KYNU: variants seen among roughly 807,000 people sequenced by gnomAD.
KYNU encodes L-kynurenine hydrolase.
In KYNU, 54 loss-of-function variants were observed where a neutral mutation model predicts 59.2. The observed-to-expected ratio is 0.91, with a 90% CI of 0.73 to 1.14. The LOEUF (loss-of-function observed/expected upper bound fraction) is 1.14, where lower values mean the gene tolerates loss of function less well. KYNU is among the 50% of genes most tolerant of loss of function. KYNU has a pLI of 0.00. For missense variants in KYNU, 567 were observed against 554.4 expected (o/e 1.02, Z -0.23); for synonymous variants, 177 against 192.0 (o/e 0.92, Z 0.65).
intron 4 of KYNU, among the ~76,000 whole-genome samples, chr2:142,928,475 C>T (rs1243985494): frequency 1.3e-5 from 2 of 152,070 alleles, no homozygotes; most frequent in Non-Finnish European, 2.9e-5. Context: ...AAAGCTTATT[C>T]TCTTATAAGC....
At chr2:142,900,184 T>G (rs1435673523) in intron 2 of KYNU, among the ~76,000 whole-genome samples, 1 of 152,160 alleles carries the variant, frequency 6.6e-6, no homozygotes, top group African/African-American at 2.4e-5. Flanking sequence ...ATGGCAAGCC[T>G]TTAGCCTGAT....
rs1474048345 is a variant in KYNU, at chr2:143,028,684, A to T, written c.903-943A>T. Among the ~76,000 whole-genome samples the T allele has an allele frequency of 2.0e-5, 3 of 151,568 alleles. No individual in the cohort carries two copies. The East Asian group carries it at 5.9e-4, about 30-fold the overall frequency. The stretch of plus-strand genomic sequence containing the variant: ...AACATGGTGAAACCCCGTCTCTACT[A>T]AAAATACAAAAAAGTTAGCCGGGCG... On this transcript the variant is annotated intron_variant, in intron 10 of 13. Coordinates refer to ENST00000264170, the MANE Select transcript of KYNU (RefSeq NM_003937.3).
intron 10 of KYNU, among the ~76,000 whole-genome samples, chr2:143,017,365 G>A (rs190856410): frequency 3.3e-5 from 5 of 149,888 alleles, no homozygotes; most frequent in African/African-American, 9.8e-5. Context: ...CACCAACAGC[G>A]TATAACTGTT....
chr2:142,929,706 G>T (rs530674069), intron 4 of KYNU, among the ~76,000 whole-genome samples: 208 of 152,272 alleles, frequency 1.4e-3, no homozygotes, highest in Non-Finnish European at 1.9e-3. Flanking sequence ...TATAGATGGA[G>T]TCAAAGATTT....
intron 12 of KYNU, among the ~76,000 whole-genome samples, chr2:143,038,843 G>C (rs1250945379): frequency 6.6e-6 from 1 of 152,086 alleles, no homozygotes; most frequent in Non-Finnish European, 1.5e-5. Context: ...TCATAGACTT[G>C]ATAAAGTCTC....
intron 10 of KYNU, among the ~76,000 whole-genome samples, chr2:143,028,401 G>C (rs548992432): frequency 2.0e-5 from 3 of 149,864 alleles, no homozygotes; most frequent in African/African-American, 4.9e-5. Context: ...ATGCCACCAC[G>C]CCCGTCTAAT....
intron 10 of KYNU, among the ~76,000 whole-genome samples, chr2:143,005,598 A>C (rs1214940650): frequency 6.6e-6 from 1 of 152,170 alleles, no homozygotes; most frequent in African/African-American, 2.4e-5. Flanking sequence ...AATAGTATAA[A>C]TATATATAGC....
intron 2 of KYNU, among the ~76,000 whole-genome samples, chr2:142,898,704 G>A (rs71423220): frequency 0.028 from 4,210 of 152,152 alleles, 126 homozygotes; most frequent in African/African-American, 0.076. Flanking sequence ...TTTGTTCTTA[G>A]AGCTCCCAAG....
intron 4 of KYNU, chr2:142,947,245 A>G: frequency 6.5e-7 from 1 of 1,548,052 alleles, no homozygotes; most frequent in Non-Finnish European, 8.7e-7. Context: ...AAACCTTGAG[A>G]GAGGAAGATT....
intron 2 of KYNU, among the ~76,000 whole-genome samples, chr2:142,900,479 CT>C (rs774330162): frequency 2.0e-4 from 31 of 152,212 alleles, no homozygotes; most frequent in Non-Finnish European, 4.1e-4. Flanking sequence ...ATCCCTCCCC[CT>C]GTGCTCTCAG....
rs180967622 is a variant in KYNU, at chr2:143,007,344, G to A, written c.902+21323G>A. ...GAAATGAATGAAATGAAATGAGAAG[G>A]GAAGTTTAGAGAAAAACGAATAAAA... On this transcript the variant is annotated intron_variant, in intron 10 of 13. Transcript: ENST00000264170. Among the ~76,000 whole-genome samples the A allele has an allele frequency of 1.3e-3, 193 of 150,374 alleles. 1 individual carries two copies. Among genetic ancestry groups the A allele is most frequent in the Non-Finnish European group, 2.1e-3 (141 of 67,876 alleles).
At chr2:142,968,633 C>T (rs765766485) in intron 8 of KYNU, among the ~76,000 whole-genome samples, 3 of 152,080 alleles carry the variant, frequency 2.0e-5, no homozygotes, top group East Asian at 1.9e-4. Flanking sequence ...CTCTCTGTTG[C>T]GTGGGCGCCG....
intron 10 of KYNU, among the ~76,000 whole-genome samples, chr2:143,010,934 C>G (rs906128794): frequency 1.4e-5 from 2 of 145,506 alleles, no homozygotes; most frequent in Non-Finnish European, 3.0e-5. Context: ...AAGATTTAAA[C>G]GTTAGACCTA....
intron 12 of KYNU, 83 bp downstream of exon 12, chr2:143,033,404 T>C: frequency 1.0e-6 from 1 of 975,816 alleles, no homozygotes; most frequent in Non-Finnish European, 1.7e-6. Context: ...CTTTCTCTGC[T>C]ACACAGCAAG....
chr2:142,931,848 A>T (rs562692854), intron 4 of KYNU, among the ~76,000 whole-genome samples: 25 of 152,260 alleles, frequency 1.6e-4, no homozygotes, highest in Non-Finnish European at 3.2e-4. Flanking sequence ...TTGGCTGATG[A>T]AGGCCGGCCT....
At chr2:142,928,881 AC>A (rs1465431856) in intron 4 of KYNU, among the ~76,000 whole-genome samples, 1 of 151,420 alleles carries the variant, frequency 6.6e-6, no homozygotes, top group African/African-American at 2.4e-5. Flanking sequence ...ATGCTGGCAC[AC>A]CCGTAGTCCC....
At position 143,043,648 on chromosome 2, in the gene KYNU, C is replaced by A. The variant is rs1369775369; in HGVS notation, c.*1476C>A. ...CATACTGCTTTAGCAAATCTTCCTA[C>A]TGTAACTAATCCTCATAGATGGAAG... On this transcript the variant is annotated 3_prime_UTR_variant, in exon 14 of 14. Coordinates refer to ENST00000264170, the MANE Select transcript of KYNU (RefSeq NM_003937.3). The A allele has an allele frequency of 2.7e-5, 4 of 150,718 alleles. No individual in the cohort carries two copies. In the South Asian group the frequency reaches 6.3e-4, roughly 24 times the overall value. 9.3% of individuals were successfully genotyped at this position (150,718 alleles called of 1,614,324 possible).
chr2:142,892,077 T>A (rs184458162), intron 2 of KYNU, among the ~76,000 whole-genome samples: 4 of 152,280 alleles, frequency 2.6e-5, no homozygotes, highest in Non-Finnish European at 5.9e-5. Context: ...TACACCCAGA[T>A]AACTGTTTGT....
At chr2:142,925,569 T>G (rs1035203102) in intron 3 of KYNU, among the ~76,000 whole-genome samples, 2 of 152,196 alleles carry the variant, frequency 1.3e-5, no homozygotes, top group Non-Finnish European at 2.9e-5. Context: ...TTGTTACCCA[T>G]TTACTTGTAC....
Sources: gnomAD v4.1 joint callset for allele counts (sites outside exome capture counted in the v4.1 genomes callset) on GRCh38, gnomAD v4.1.1 for gene constraint, MANE v1.5 for transcripts, NCBI Gene and HGNC (gene_info 2026-07-23, HGNC 2026-07-21) for gene names.